Variants in ANKH observed in about 807,000 individuals in gnomAD.
ANKH encodes the protein ANKH inorganic pyrophosphate transport regulator.
In ANKH, 15 loss-of-function variants were observed where a neutral mutation model predicts 49.0. That is an observed-to-expected ratio of 0.31 (90% CI 0.20 to 0.47). The LOEUF is 0.47. ANKH is among the 20% of genes least tolerant of loss of function. ANKH has a pLI of 1.00. For synonymous variants in ANKH, 273 were observed against 260.0 expected (o/e 1.05, Z -0.48); for missense variants, 429 against 652.0 (o/e 0.66, Z 3.72).
intron 1 of ANKH, among the ~76,000 whole-genome samples, chr5:14,813,020 C>T (rs1740932573): frequency 6.6e-6 from 1 of 152,206 alleles, no homozygotes; most frequent in African/African-American, 2.4e-5. Flanking sequence ...GTGGGAGGAT[C>T]ACTTGAAGCC....
At position 14,737,207 on chromosome 5, in the gene ANKH, C is replaced by T. The variant is rs180918739; in HGVS notation, c.1011+4620G>A. On this transcript the variant is annotated intron_variant, in intron 8 of 11. Coordinates refer to ENST00000284268, the MANE Select transcript of ANKH (RefSeq NM_054027.6). The surrounding 1 kb of genome is among the most constrained non-coding windows in gnomAD (Gnocchi z 5.0). The stretch of plus-strand genomic sequence containing the variant: ...CCTGGCATGCAGGAATAGGGAGGTC[C>T]GTCACTCTTTTGGGACATTTCTTCC... Among the ~76,000 whole-genome samples, 11 of 152,262 alleles carry T rather than the reference C, an allele frequency of 7.2e-5. No homozygotes were observed. Among genetic ancestry groups the T allele is most frequent in the South Asian group, 2.1e-4 (1 of 4,814 alleles).
chr5:14,859,809 C>A (rs899526079), intron 1 of ANKH, among the ~76,000 whole-genome samples: 8 of 152,216 alleles, frequency 5.3e-5, no homozygotes, highest in South Asian at 2.1e-4. Context: ...GTACACTTCA[C>A]TTAGAGCCTA....
Position 14,710,325 on chromosome 5 carries a change from C to G in ANKH, c.*872G>C, listed in dbSNP as rs887099722. The G allele has an allele frequency of 1.3e-5, 2 of 152,194 alleles. No homozygotes were observed. Among genetic ancestry groups the G allele is most frequent in the African/African-American group, 4.8e-5 (2 of 41,442 alleles). The allele number at this position is 152,194 out of a possible 1,614,324, so 9.4% of individuals were successfully genotyped here. A position where few individuals can be genotyped will look rare whatever the true frequency, so the allele number is the denominator to read the frequency against. On this transcript the variant is annotated 3_prime_UTR_variant, in exon 12 of 12. Transcript: ENST00000284268. ...ATGCTCCATGTGACTCGCTCTAATG[C>G]GACCTTCAGGAAAGGCGAGGGAAAA...
intron 1 of ANKH, among the ~76,000 whole-genome samples, chr5:14,804,711 G>C (rs1037325996): frequency 6.6e-6 from 1 of 152,200 alleles, no homozygotes; most frequent in African/African-American, 2.4e-5. Flanking sequence ...TAGAGTTGAG[G>C]AAATGGATAC....
At chr5:14,789,994 G>A (rs1424713196) in intron 1 of ANKH, among the ~76,000 whole-genome samples, 2 of 152,202 alleles carry the variant, frequency 1.3e-5, no homozygotes, top group Non-Finnish European at 2.9e-5. Flanking sequence ...ACAGGCGTGA[G>A]CCACCAGGCC....
At chr5:14,837,218 T>G (rs1741681389) in intron 1 of ANKH, among the ~76,000 whole-genome samples, 1 of 152,100 alleles carries the variant, frequency 6.6e-6, no homozygotes, top group African/African-American at 2.4e-5. Flanking sequence ...GGCAAGGACT[T>G]CATGACTAAA....
At chr5:14,773,357 T>C (rs1258074664) in intron 1 of ANKH, among the ~76,000 whole-genome samples, 2 of 137,884 alleles carry the variant, frequency 1.5e-5, no homozygotes, top group African/African-American at 6.0e-5. Context: ...AGCATTCTTT[T>C]TTTTTTTTTT....
intron 8 of ANKH, among the ~76,000 whole-genome samples, chr5:14,735,112 T>C (rs976613035): frequency 8.5e-5 from 13 of 152,296 alleles, no homozygotes; most frequent in Middle Eastern, 3.4e-3. Flanking sequence ...CTTCTATCAG[T>C]AGCTACGGTG....
intron 1 of ANKH, among the ~76,000 whole-genome samples, chr5:14,861,644 G>A (rs147697728): frequency 0.012 from 1,755 of 152,230 alleles, 18 homozygotes; most frequent in Non-Finnish European, 0.019. Flanking sequence ...CCCCAGGCTG[G>A]GGACAGTGAT....
intron 1 of ANKH, among the ~76,000 whole-genome samples, chr5:14,848,765 A>AT (rs1742041610): frequency 6.6e-6 from 1 of 152,244 alleles, no homozygotes; most frequent in Non-Finnish European, 1.5e-5. Flanking sequence ...TAACAGAGCT[A>AT]TAACACTCAC....
At chr5:14,768,793 A>G (rs982360086) in intron 2 of ANKH, 182 bp downstream of exon 2, 2 of 676,428 alleles carry the variant, frequency 3.0e-6, no homozygotes, top group Non-Finnish European at 5.1e-6. Context: ...GCTCCCCAGA[A>G]AAAACACATT....
chr5:14,805,420 A>C (rs1326199588), intron 1 of ANKH, among the ~76,000 whole-genome samples: 1 of 128,732 alleles, frequency 7.8e-6, no homozygotes, highest in African/African-American at 3.0e-5. Flanking sequence ...GTGTGTGTGT[A>C]TCCTATAAAC....
intron 1 of ANKH, among the ~76,000 whole-genome samples, chr5:14,852,727 T>C (rs1482049093): frequency 6.6e-6 from 1 of 152,152 alleles, no homozygotes; most frequent in Non-Finnish European, 1.5e-5. Context: ...CAGGCACAAC[T>C]TTCTATTGCC....
chr5:14,850,148 C>T (rs1742084572), intron 1 of ANKH, among the ~76,000 whole-genome samples: 1 of 152,176 alleles, frequency 6.6e-6, no homozygotes, highest in African/African-American at 2.4e-5. Context: ...ACGAGGAACC[C>T]GCATATCAAG....
intron 1 of ANKH, among the ~76,000 whole-genome samples, chr5:14,780,802 CATCT>C (rs1347108717): frequency 1.1e-4 from 16 of 152,318 alleles, no homozygotes; most frequent in Non-Finnish European, 1.2e-4. Context: ...CCTGGGCTGC[CATCT>C]ATCTAATCCT....
chr5:14,777,400 T>C (rs1193284158), intron 1 of ANKH, among the ~76,000 whole-genome samples: 1 of 152,190 alleles, frequency 6.6e-6, no homozygotes, highest in African/African-American at 2.4e-5. Context: ...CTGTGTTCTG[T>C]TGCCTGATTT....
rs1482953396 is a variant in ANKH at position 14,751,054 on chromosome 5, G to C, written c.687+15C>G. ...CTGAGTCTCAGACAGACTGCTGTTG[G>C]GTTGGTAGACGTACCCCCAGCTCCG... is the stretch of plus-strand genomic sequence containing the variant. On this transcript the variant is annotated intron_variant, in intron 5 of 11. Coordinates refer to ENST00000284268, the MANE Select transcript of ANKH (RefSeq NM_054027.6). 3 of 1,613,836 alleles carry C rather than the reference G, an allele frequency of 1.9e-6. No individual in the cohort carries two copies. The highest frequency in any genetic ancestry group is 2.7e-5 in the African/African-American group (2 of 74,934).
chr5:14,868,230 T>C (rs1335420827), intron 1 of ANKH, among the ~76,000 whole-genome samples: 1 of 152,178 alleles, frequency 6.6e-6, no homozygotes, highest in Non-Finnish European at 1.5e-5. Flanking sequence ...TGGATTTCCA[T>C]TTCAAAAGAT....
At chr5:14,845,349 T>C (rs1741926181) in intron 1 of ANKH, among the ~76,000 whole-genome samples, 1 of 45,190 alleles carries the variant, frequency 2.2e-5, no homozygotes, top group African/African-American at 4.3e-5. Context: ...GTTTCATGTG[T>C]ATATATATAT....
Sources: allele counts gnomAD v4.1 joint callset (sites outside exome capture counted in the v4.1 genomes callset), GRCh38; gene constraint gnomAD v4.1.1; non-coding constraint Gnocchi (gnomAD v3.1); transcripts MANE v1.5; gene names NCBI Gene and HGNC (gene_info 2026-07-23, HGNC 2026-07-21).